SH3GL1: variants seen among roughly 807,000 people sequenced by gnomAD.
SH3GL1 encodes SH3 domain containing GRB2 like 1, endophilin A2.
In SH3GL1, 21 loss-of-function variants were observed where a neutral mutation model predicts 48.8. The ratio of observed to expected loss-of-function variants is 0.43; its 90% confidence interval spans 0.30 to 0.62. The LOEUF (loss-of-function observed/expected upper bound fraction) is 0.62. Ranked by LOEUF, SH3GL1 falls within the 20% of genes least tolerant of loss-of-function variation. SH3GL1 has a pLI of 0.11. For synonymous variants in SH3GL1, 282 were observed against 217.5 expected (o/e 1.30, Z -2.61); for missense variants, 454 against 503.0 (o/e 0.90, Z 0.93).
intron 1 of SH3GL1, among the ~76,000 whole-genome samples, chr19:4,397,803 G>T (rs561552040): frequency 4.2e-4 from 64 of 152,208 alleles, no homozygotes; most frequent in Non-Finnish European, 8.1e-4. Context: ...TGTAGAGATA[G>T]ACCCTAAGTA....
At chr19:4,396,700 C>G (rs1466011854) in intron 1 of SH3GL1, among the ~76,000 whole-genome samples, 1 of 152,044 alleles carries the variant, frequency 6.6e-6, no homozygotes, top group East Asian at 1.9e-4. Context: ...AATTTTGGTA[C>G]TATTGACATT....
chr19:4,378,015 G>A (rs189592443), intron 1 of SH3GL1, among the ~76,000 whole-genome samples: 1 of 152,222 alleles, frequency 6.6e-6, no homozygotes, highest in Admixed American at 6.5e-5. Flanking sequence ...ACAGGCTCTC[G>A]TCGCCAACCC....
At chr19:4,382,392 G>C (rs1973153678) in intron 1 of SH3GL1, among the ~76,000 whole-genome samples, 1 of 151,626 alleles carries the variant, frequency 6.6e-6, no homozygotes, top group Non-Finnish European at 1.5e-5. Context: ...CGAGTAGCTG[G>C]GACTACAGGC....
At chr19:4,392,582 C>T (rs1973358438) in intron 1 of SH3GL1, among the ~76,000 whole-genome samples, 2 of 148,274 alleles carry the variant, frequency 1.3e-5, no homozygotes, top group Non-Finnish European at 3.0e-5. Context: ...AAGATCATTC[C>T]ATGTTTATGG....
intron 1 of SH3GL1, among the ~76,000 whole-genome samples, chr19:4,379,081 T>C (rs745969615): frequency 9.9e-5 from 15 of 152,142 alleles, no homozygotes; most frequent in Non-Finnish European, 1.5e-4. Context: ...GGTTCCAAAA[T>C]GCTCACAGCA....
chr19:4,397,226 G>A (rs191596079), intron 1 of SH3GL1, among the ~76,000 whole-genome samples: 11 of 152,292 alleles, frequency 7.2e-5, no homozygotes, highest in African/African-American at 2.6e-4. Context: ...CTAAGAGCAC[G>A]ACTCAGGACA....
chr19:4,387,242 C>T (rs1181337726), intron 1 of SH3GL1, among the ~76,000 whole-genome samples: 1 of 151,820 alleles, frequency 6.6e-6, no homozygotes, highest in African/African-American at 2.4e-5. Flanking sequence ...GGCCCCTCTT[C>T]TGTATTTCTT....
Position 4,366,935 on chromosome 19 carries a change from C to G in SH3GL1, c.105G>C (p.Glu35Asp). 1.2e-6 allele frequency: 2 copies of G among 1,613,928 alleles called. No individual in the cohort carries two copies. Among genetic ancestry groups the G allele is most frequent in the South Asian group, 1.1e-5 (1 of 91,074 alleles). Residue 35 changes from glutamate (E) to aspartate (D), a missense_variant, in exon 2 of 10, where the codon GAG (glutamate) becomes GAC (aspartate). This residue lies in a region of SH3GL1 where 176 missense variants were observed against 256.2 expected (regional missense o/e 0.69). Coordinates refer to ENST00000269886, the MANE Select transcript of SH3GL1 (RefSeq NM_003025.4). Reference sequence around the variant, plus strand: ...GCAGTTTCTTCCTCACCTTCTCCATCTCTTTGAAGTCATCATCCAGCTTGG... The same window carrying G: ...GCAGTTTCTTCCTCACCTTCTCCATGTCTTTGAAGTCATCATCCAGCTTGG... ...EGTKLDDDFK[E>D]MEKKVDVTSK...
chr19:4,363,761 C>G lies in SH3GL1; in HGVS notation c.583G>C (p.Glu195Gln). Reference sequence around the variant, plus strand: ...TTGTGCATGCTGGTTTCTGCCACCTCCTTGGACTCCTCGAACTTCTCCAGC... The same window carrying G: ...TTGTGCATGCTGGTTTCTGCCACCTGCTTGGACTCCTCGAACTTCTCCAGC... Reference protein sequence around the residue: ...QALEKFEESKEVAETSMHNLL... With the variant: ...QALEKFEESKQVAETSMHNLL... Residue 195 changes from glutamate (E) to glutamine (Q), a missense_variant, in exon 6 of 10, where the codon GAG (glutamate) becomes CAG (glutamine). Physicochemically the swap from Glu to Gln is conservative, Grantham distance 29. Coordinates refer to ENST00000269886, the MANE Select transcript of SH3GL1 (RefSeq NM_003025.4). 6.2e-7 allele frequency: 1 copy of G among 1,613,860 alleles called. No individual in the cohort carries two copies. Among genetic ancestry groups the G allele is most frequent in the Admixed American group, 1.7e-5 (1 of 60,028 alleles).
chr19:4,392,518 TCACA>T (rs60108906), intron 1 of SH3GL1, among the ~76,000 whole-genome samples: 14,250 of 137,412 alleles, frequency 0.1, 770 homozygotes, highest in East Asian at 0.16. Flanking sequence ...CAAGACTCCG[TCACA>T]CACACACACA....
At chr19:4,388,418 G>A (rs1192874550) in intron 1 of SH3GL1, among the ~76,000 whole-genome samples, 2 of 152,124 alleles carry the variant, frequency 1.3e-5, no homozygotes, top group Non-Finnish European at 2.9e-5. Flanking sequence ...CAGGTACAGA[G>A]AGGGGCAGCG....
chr19:4,368,082 G>T (rs1397399866), intron 1 of SH3GL1, among the ~76,000 whole-genome samples: 1 of 152,242 alleles, frequency 6.6e-6, no homozygotes, highest in Non-Finnish European at 1.5e-5. Context: ...AACATCCCGG[G>T]TCTGATCACT....
In SH3GL1 at chr19:4,400,291, C is replaced by T. The variant is rs1211999751; in HGVS notation, c.45+33G>A. Reference sequence around the variant, plus strand: ...TCCCTCATCCGGGCAGCCCGGGGCCCGGTACTCGGCTCCCGCCTGGGCCTG... The same window carrying T: ...TCCCTCATCCGGGCAGCCCGGGGCCTGGTACTCGGCTCCCGCCTGGGCCTG... On this transcript the variant is annotated intron_variant, in intron 1 of 9. Coordinates refer to ENST00000269886, the MANE Select transcript of SH3GL1 (RefSeq NM_003025.4). This position sits in a 1 kb window ranked among gnomAD's most constrained non-coding sequence, Gnocchi z 4.1. The T allele has an allele frequency of 6.3e-7, 1 of 1,587,326 alleles. No individual in the cohort carries two copies.
chr19:4,363,669 G>C (rs763583000), intron 6 of SH3GL1, 51 bp downstream of exon 6: 1 of 1,607,526 alleles, frequency 6.2e-7, no homozygotes, highest in South Asian at 1.1e-5. Context: ...CACCACCCCG[G>C]CCTCCCAAGG....
intron 1 of SH3GL1, among the ~76,000 whole-genome samples, chr19:4,399,455 GGAAGGAAA>G (rs1973482555): frequency 6.6e-6 from 1 of 151,930 alleles, no homozygotes; most frequent in Non-Finnish European, 1.5e-5. Context: ...GAGGGAGGAA[GGAAGGAAA>G]GAAGGAAGGA....
chr19:4,364,892 GTGTGTGTATATATA>G (rs1972733366), intron 4 of SH3GL1, among the ~76,000 whole-genome samples: 2 of 108,144 alleles, frequency 1.8e-5, no homozygotes, highest in African/African-American at 7.8e-5. Context: ...GTGTGTGTGT[GTGTGTGTATATATA>G]TATATATATA....
chr19:4,378,084 CA>C (rs1338989307), intron 1 of SH3GL1, among the ~76,000 whole-genome samples: 3 of 152,226 alleles, frequency 2.0e-5, no homozygotes, highest in Admixed American at 2.0e-4. Context: ...GGCACAGGGA[CA>C]GGGGTGGCAG....
chr19:4,364,172 C>T lies in SH3GL1; in HGVS notation c.381G>A (p.Val127=), dbSNP rs746684979. 1 of 1,613,958 alleles carries T rather than the reference C, an allele frequency of 6.2e-7. No homozygotes were observed. The highest frequency in any genetic ancestry group is 1.1e-5 in the South Asian group (1 of 91,086). The part of the protein sequence containing the change: ...AGESMKRLAE[V]KDSLDIEVKQ... ...TGACCTCGATGTCCAGGGAGTCCTT[C>T]ACCTCTGCCAGGCGCTTCATGGACT... The change falls in exon 5 of 10, where the codon GTG becomes GTA. Residue 127 remains valine (V), a synonymous_variant. Coordinates refer to ENST00000269886, the MANE Select transcript of SH3GL1 (RefSeq NM_003025.4).
At chr19:4,371,591 G>A (rs1972902483) in intron 1 of SH3GL1, among the ~76,000 whole-genome samples, 1 of 152,258 alleles carries the variant, frequency 6.6e-6, no homozygotes, top group Admixed American at 6.5e-5. Flanking sequence ...CCAGCGTGGG[G>A]GAGGGCAAGG....
Sources: gnomAD v4.1 joint callset for allele counts (sites outside exome capture counted in the v4.1 genomes callset) on GRCh38, gnomAD v4.1.1 for gene constraint, gnomAD v4.1.1 regional missense constraint, Gnocchi (gnomAD v3.1) non-coding constraint, MANE v1.5 for transcripts, NCBI Gene and HGNC (gene_info 2026-07-23, HGNC 2026-07-21) for gene names.